GNAQ: variants seen among roughly 807,000 people sequenced by gnomAD.
GNAQ encodes the protein guanine nucleotide-binding protein G(q) subunit alpha.
Under a neutral mutation model 43.9 loss-of-function variants are expected in GNAQ, and 8 were observed. That is an observed-to-expected ratio of 0.18 (90% CI 0.11 to 0.33). The LOEUF is 0.33. GNAQ is among the 10% of genes least tolerant of loss of function. The pLI, the probability that GNAQ is intolerant of heterozygous loss-of-function variation, is 1.00. For synonymous variants in GNAQ, 155 were observed against 170.7 expected (o/e 0.91, Z 0.71); for missense variants, 158 against 450.8 (o/e 0.35, Z 5.88).
chr9:77,752,759 C>A (rs1401198272), intron 5 of GNAQ, among the ~76,000 whole-genome samples: 1 of 152,152 alleles, frequency 6.6e-6, no homozygotes, highest in Non-Finnish European at 1.5e-5. Flanking sequence ...TATCTTATTT[C>A]TCCCCAAGTG....
intron 5 of GNAQ, among the ~76,000 whole-genome samples, chr9:77,744,938 C>G (rs1178910054): frequency 6.6e-6 from 1 of 152,056 alleles, no homozygotes; most frequent in Non-Finnish European, 1.5e-5. Context: ...GGAAATAATT[C>G]AAGCCACAGA....
At chr9:77,897,915 T>C (rs1485291779) in intron 2 of GNAQ, among the ~76,000 whole-genome samples, 1 of 144,744 alleles carries the variant, frequency 6.9e-6, no homozygotes, top group Non-Finnish European at 1.5e-5. Flanking sequence ...GAACTTTTGT[T>C]CACTAACTTT....
At chr9:78,030,887 CTGTGTGTGTGTGTGTGTGTGTGTGTG>C (rs35071779) in intron 1 of GNAQ, among the ~76,000 whole-genome samples, 187 bp downstream of exon 1, 1 of 146,078 alleles carries the variant, frequency 6.8e-6, no homozygotes, top group African/African-American at 2.6e-5. Context: ...GTGTGTGTCG[CTGTGTGTGTGTGTGTGTGTGTGTGTG>C]TGTGTGTCTG....
intron 2 of GNAQ, among the ~76,000 whole-genome samples, chr9:77,913,741 G>A (rs917391993): frequency 2.0e-5 from 3 of 152,080 alleles, no homozygotes; most frequent in Admixed American, 6.5e-5. Flanking sequence ...GTCATCCTTC[G>A]GAACTTGGGA....
intron 2 of GNAQ, among the ~76,000 whole-genome samples, chr9:77,888,432 T>C (rs938506391): frequency 2.0e-5 from 3 of 152,166 alleles, no homozygotes; most frequent in Non-Finnish European, 2.9e-5. Context: ...TAGGAAAGTA[T>C]AGCAGTAATA....
intron 1 of GNAQ, among the ~76,000 whole-genome samples, chr9:78,019,001 C>T (rs1274379036): frequency 6.6e-6 from 1 of 152,060 alleles, no homozygotes; most frequent in African/African-American, 2.4e-5. Flanking sequence ...CAAGCATGGC[C>T]TAGAGTAGAA....
intron 2 of GNAQ, among the ~76,000 whole-genome samples, chr9:77,884,239 C>G (rs1828264192): frequency 6.6e-6 from 1 of 152,194 alleles, no homozygotes; most frequent in Admixed American, 6.5e-5. Context: ...CCAGCACTTG[C>G]TTCTGGCAAG....
chr9:77,745,115 G>A (rs1013924234), intron 5 of GNAQ, among the ~76,000 whole-genome samples: 4 of 152,144 alleles, frequency 2.6e-5, no homozygotes, highest in African/African-American at 9.7e-5. Context: ...GAGGAGTGGA[G>A]GACTGAACTG....
intron 5 of GNAQ, among the ~76,000 whole-genome samples, chr9:77,762,034 GC>G (rs1391371821): frequency 1.5e-5 from 2 of 135,054 alleles, no homozygotes; most frequent in Non-Finnish European, 3.2e-5. Context: ...GAAGTGAGGA[GC>G]CCCTCTGCCC....
At chr9:77,999,862 A>G (rs1211882527) in intron 1 of GNAQ, among the ~76,000 whole-genome samples, 1 of 152,190 alleles carries the variant, frequency 6.6e-6, no homozygotes, top group Non-Finnish European at 1.5e-5. Flanking sequence ...AACTTCCTAT[A>G]ACAGTATTAG....
At chr9:78,019,335 G>A (rs1823877241) in intron 1 of GNAQ, among the ~76,000 whole-genome samples, 1 of 152,198 alleles carries the variant, frequency 6.6e-6, no homozygotes, top group Admixed American at 6.5e-5. Context: ...TGGCAAAACA[G>A]GAGAAGGTAG....
rs2296936 is a variant in GNAQ, at chr9:77,891,724, T to C, written c.321+30437A>G. Among the ~76,000 whole-genome samples, 955 of 152,312 alleles carry C rather than the reference T, an allele frequency of 6.3e-3. 30 individuals carry two copies. Among genetic ancestry groups the C allele is most frequent in the East Asian group, 0.042 (217 of 5,182 alleles). Reference sequence around the variant, plus strand: ...CTTTGAAAGCCGTACTAGTTCTCATTAGCAAGGCCTCCATATCAATAACAC... The same window carrying C: ...CTTTGAAAGCCGTACTAGTTCTCATCAGCAAGGCCTCCATATCAATAACAC... On this transcript the variant is annotated intron_variant, in intron 2 of 6. Coordinates refer to ENST00000286548, the MANE Select transcript of GNAQ (RefSeq NM_002072.5).
chr9:78,006,330 G>C (rs1823705745), intron 1 of GNAQ, among the ~76,000 whole-genome samples: 1 of 152,128 alleles, frequency 6.6e-6, no homozygotes, highest in Non-Finnish European at 1.5e-5. Flanking sequence ...GAAGTATACT[G>C]CCCCCTGCCC....
At chr9:77,794,769 A>C (rs886754263) in intron 4 of GNAQ, among the ~76,000 whole-genome samples, 177 bp from the exon 5 acceptor site, 1 of 152,176 alleles carries the variant, frequency 6.6e-6, no homozygotes, top group African/African-American at 2.4e-5. Context: ...CTAATATTCA[A>C]AGTTAAAACA....
intron 1 of GNAQ, among the ~76,000 whole-genome samples, chr9:78,015,435 AT>A (rs1359073974): frequency 2.0e-5 from 3 of 152,250 alleles, no homozygotes; most frequent in Non-Finnish European, 2.9e-5. Context: ...AATAGGAGAA[AT>A]TGCCACAAAC....
chr9:77,809,533 C>G (rs985534820), intron 3 of GNAQ, among the ~76,000 whole-genome samples: 2 of 151,960 alleles, frequency 1.3e-5, no homozygotes, highest in Admixed American at 1.3e-4. Flanking sequence ...ATTTTCAGAG[C>G]CTTCAGGCTT....
chr9:77,834,648 T>C (rs1297607185), intron 2 of GNAQ, among the ~76,000 whole-genome samples: 6 of 152,214 alleles, frequency 3.9e-5, no homozygotes, highest in Non-Finnish European at 8.8e-5. Context: ...TAAAATGTCC[T>C]GAAACAATCA....
intron 4 of GNAQ, among the ~76,000 whole-genome samples, chr9:77,795,408 T>C (rs1050957482): frequency 2.6e-5 from 4 of 152,160 alleles, no homozygotes; most frequent in African/African-American, 9.7e-5. Context: ...TTCTCCAAAT[T>C]GTTGAATCCG....
intron 2 of GNAQ, among the ~76,000 whole-genome samples, chr9:77,865,422 G>A (rs929651575): frequency 1.3e-5 from 2 of 152,182 alleles, no homozygotes; most frequent in Admixed American, 1.3e-4. Context: ...GAAACTTTAG[G>A]AAATTTCTGA....
Sources: allele counts gnomAD v4.1 joint callset (sites outside exome capture counted in the v4.1 genomes callset), GRCh38; gene constraint gnomAD v4.1.1; transcripts MANE v1.5; gene names NCBI Gene and HGNC (gene_info 2026-07-23, HGNC 2026-07-21).